The following ZNF385D variants were observed in gnomAD, a reference collection of about 807,000 sequenced individuals.
The protein encoded by ZNF385D is zinc finger protein 659.
ZNF385D carries 15 observed loss-of-function variants against 35.8 expected under a neutral mutation model. The observed-to-expected ratio is 0.42, with a 90% CI of 0.28 to 0.64. The LOEUF (loss-of-function observed/expected upper bound fraction) is 0.64. Among genes scored for constraint, ZNF385D ranks in the 30% least tolerant of loss-of-function variants. The pLI is 0.23. For missense variants in ZNF385D, 474 were observed against 494.6 expected (o/e 0.96, Z 0.39); for synonymous variants, 212 against 186.8 (o/e 1.13, Z -1.10).
intron 3 of ZNF385D, among the ~76,000 whole-genome samples, chr3:21,823,027 A>C (rs1694372614): frequency 1.3e-5 from 2 of 152,150 alleles, no homozygotes; most frequent in Non-Finnish European, 2.9e-5. Context: ...AATACAAGAG[A>C]ATTCAAAAAT....
At chr3:22,031,679 C>T (rs1576189801) in intron 3 of ZNF385D, among the ~76,000 whole-genome samples, 2 of 152,230 alleles carry the variant, frequency 1.3e-5, no homozygotes, top group East Asian at 1.9e-4. Flanking sequence ...GCCCTGGAGA[C>T]ATTTTCCCCA....
intron 3 of ZNF385D, among the ~76,000 whole-genome samples, chr3:22,070,869 T>A (rs1700195405): frequency 6.6e-6 from 1 of 152,180 alleles, no homozygotes; most frequent in African/African-American, 2.4e-5. Flanking sequence ...ATCACTTTTG[T>A]TAAGTTTTCT....
chr3:22,214,953 A>C (rs1697768785), intron 2 of ZNF385D, among the ~76,000 whole-genome samples: 2 of 151,920 alleles, frequency 1.3e-5, no homozygotes, highest in Non-Finnish European at 1.5e-5. Context: ...ATGACTAATA[A>C]AACTTGCTGG....
intron 2 of ZNF385D, among the ~76,000 whole-genome samples, chr3:22,310,696 A>G (rs2125427238): frequency 6.6e-6 from 1 of 152,046 alleles, no homozygotes; most frequent in African/African-American, 2.4e-5. Context: ...CACTAGGAAT[A>G]TTTCCTTTAA....
Position 22,018,960 on chromosome 3 carries a change from C to G in ZNF385D, c.325+149857G>C, listed in dbSNP as rs192762554. On this transcript the variant is annotated intron_variant, in intron 3 of 5. Transcript: ENST00000494108. ...GTGCAATTCCTACTCCTTTCCGTCT[C>G]TACCCACAAACACCTAAAGCATTGC... 2.3e-4 allele frequency among the ~76,000 whole-genome samples: 35 copies of G among 150,160 alleles called. No individual in the cohort carries two copies. In the East Asian group the frequency reaches 6.1e-3, roughly 26 times the overall value.
intron 2 of ZNF385D, among the ~76,000 whole-genome samples, chr3:22,180,904 T>G (rs1033576464): frequency 7.3e-6 from 1 of 137,006 alleles, no homozygotes; most frequent in Non-Finnish European, 1.5e-5. Flanking sequence ...AGTAGCTATA[T>G]GCTTTTGTTC....
At chr3:22,121,555 C>A (rs779738584) in intron 3 of ZNF385D, among the ~76,000 whole-genome samples, 1 of 152,122 alleles carries the variant, frequency 6.6e-6, no homozygotes, top group South Asian at 2.1e-4. Flanking sequence ...GGATGACTAG[C>A]GTGCACAATG....
intron 3 of ZNF385D, among the ~76,000 whole-genome samples, chr3:21,989,856 G>A (rs1695051197): frequency 6.6e-6 from 1 of 152,120 alleles, no homozygotes; most frequent in South Asian, 2.1e-4. Flanking sequence ...GTCTGTTGAT[G>A]GTATATGTCA....
At chr3:21,636,499 TC>T (rs369114398) in intron 2 of ZNF385D, among the ~76,000 whole-genome samples, 2 of 147,386 alleles carry the variant, frequency 1.4e-5, no homozygotes, top group African/African-American at 5.0e-5. Context: ...AAGAAGCCAG[TC>T]CGAATCCCAA....
chr3:22,132,314 G>T (rs1703850071), intron 3 of ZNF385D, among the ~76,000 whole-genome samples: 1 of 152,080 alleles, frequency 6.6e-6, no homozygotes, highest in South Asian at 2.1e-4. Context: ...CTAAGAAACG[G>T]ACATTCATCA....
Position 21,423,974 on chromosome 3 carries a change from G to A in ZNF385D, c.943C>T (p.His315Tyr), listed in dbSNP as rs756933308. The A allele has an allele frequency of 2.5e-6, 4 of 1,608,260 alleles. No individual in the cohort carries two copies. The highest frequency in any genetic ancestry group is 3.4e-6 in the Non-Finnish European group (4 of 1,178,170). The change falls in exon 7 of 8, where the codon CAT becomes TAT. Residue 315 changes from histidine (H) to tyrosine (Y), a missense_variant. By Grantham distance (83) the His-to-Tyr change is moderately conservative (BLOSUM62 2). Transcript: ENST00000281523. ...AAAATGACACTCACCCCCAGTGGAT[G>A]TGCTGTCTTCTGTAGTTTGTTGTAA... ...SPYNKLQKTAHPLGVKLVFSK... is the reference protein window; with the variant it reads ...SPYNKLQKTAYPLGVKLVFSK...
chr3:21,441,599 T>C (rs1701863127), intron 4 of ZNF385D: 1 of 731,088 alleles, frequency 1.4e-6, no homozygotes, highest in Non-Finnish European at 1.7e-6. Context: ...ATTACGTATA[T>C]CCAAATACCA....
chr3:21,591,010 A>G (rs1011151267), intron 2 of ZNF385D, among the ~76,000 whole-genome samples: 12 of 151,896 alleles, frequency 7.9e-5, no homozygotes, highest in African/African-American at 2.9e-4. Flanking sequence ...GCCTGGGTAA[A>G]ATAGCAAGAC....
At chr3:21,644,194 C>T (rs1384008695) in intron 2 of ZNF385D, among the ~76,000 whole-genome samples, 2 of 152,048 alleles carry the variant, frequency 1.3e-5, no homozygotes, top group Non-Finnish European at 2.9e-5. Flanking sequence ...AAAAACATCA[C>T]CAAACTTCTA....
chr3:21,830,067 T>C (rs963290480), intron 3 of ZNF385D, among the ~76,000 whole-genome samples: 1 of 151,978 alleles, frequency 6.6e-6, no homozygotes, highest in Admixed American at 6.5e-5. Context: ...GAGGTTGCAG[T>C]GGCCCGAGAT....
At chr3:21,479,830 T>G (rs1041592452) in intron 4 of ZNF385D, among the ~76,000 whole-genome samples, 4 of 152,182 alleles carry the variant, frequency 2.6e-5, no homozygotes, top group Admixed American at 1.3e-4. Flanking sequence ...AGAAATGCAT[T>G]AGCTATGACA....
At chr3:22,174,571 T>C (rs1694690223) in intron 2 of ZNF385D, among the ~76,000 whole-genome samples, 1 of 152,188 alleles carries the variant, frequency 6.6e-6, no homozygotes, top group Non-Finnish European at 1.5e-5. Flanking sequence ...TTTACATATC[T>C]AGAAGACATT....
intron 2 of ZNF385D, among the ~76,000 whole-genome samples, chr3:22,341,082 A>T (rs1424822534): frequency 6.6e-6 from 1 of 152,228 alleles, no homozygotes; most frequent in Admixed American, 6.5e-5. Context: ...AAGAATCAAG[A>T]AAACCTGGTT....
chr3:21,809,443 C>A (rs1021038060), intron 3 of ZNF385D, among the ~76,000 whole-genome samples: 2 of 151,798 alleles, frequency 1.3e-5, no homozygotes, highest in African/African-American at 2.4e-5. Context: ...TCAAAGATAA[C>A]TGTATCATAA....
Sources: gnomAD v4.1 joint callset for allele counts (sites outside exome capture counted in the v4.1 genomes callset) on GRCh38, gnomAD v4.1.1 for gene constraint, MANE v1.5 for transcripts, NCBI Gene and HGNC (gene_info 2026-07-23, HGNC 2026-07-21) for gene names.